Variants in HIVEP3 observed in about 807,000 individuals in gnomAD.
The protein encoded by HIVEP3 is transcription factor HIVEP3.
Under a neutral mutation model 152.8 loss-of-function variants are expected in HIVEP3, and 49 were observed. The observed-to-expected ratio is 0.32, with a 90% confidence interval of 0.26 to 0.41. The LOEUF is 0.41. HIVEP3 is among the 10% of genes least tolerant of loss of function. HIVEP3 has a pLI of 1.00. For synonymous variants in HIVEP3, 1,269 were observed against 1,289.0 expected (o/e 0.98, Z 0.33); for missense variants, 2,790 against 3,103.3 (o/e 0.90, Z 2.40).
chr1:41,755,667 T>G (rs1388970124), intron 1 of HIVEP3, among the ~76,000 whole-genome samples: 1 of 149,184 alleles, frequency 6.7e-6, no homozygotes. Context: ...GCTAAAGACA[T>G]GAATGAACAC....
chr1:41,832,685 G>C (rs937218233), intron 1 of HIVEP3, among the ~76,000 whole-genome samples: 12 of 152,328 alleles, frequency 7.9e-5, no homozygotes, highest in African/African-American at 2.6e-4. Flanking sequence ...GCACATAGTA[G>C]ATATTTAGTA....
intron 5 of HIVEP3, among the ~76,000 whole-genome samples, chr1:41,545,563 T>TCACCACCACCACCACCATCAC (rs1643757924): frequency 1.9e-5 from 1 of 52,746 alleles, no homozygotes. Context: ...ATCACTACCA[T>TCACCACCACCACCACCATCAC]CACCACCACC....
chr1:41,557,505 A>G (rs1030683067), intron 5 of HIVEP3, among the ~76,000 whole-genome samples: 4 of 152,182 alleles, frequency 2.6e-5, no homozygotes, highest in Admixed American at 1.3e-4. Flanking sequence ...GGGCACCTGC[A>G]CAGAGGGATA....
At chr1:41,828,527 G>A (rs1242440550) in intron 1 of HIVEP3, among the ~76,000 whole-genome samples, 2 of 152,198 alleles carry the variant, frequency 1.3e-5, no homozygotes, top group Admixed American at 6.5e-5. Flanking sequence ...AAGAGGTTCT[G>A]AAGGCATTTC....
rs140241302 is a variant in HIVEP3 at position 41,936,376 on chromosome 1, C to G, written n.120-17852G>C. Among the ~76,000 whole-genome samples, 522 of 152,258 alleles carry G rather than the reference C, an allele frequency of 3.4e-3. 2 individuals are homozygous for G. The highest frequency in any genetic ancestry group is 0.012 in the African/African-American group (505 of 41,528). On this transcript the variant is annotated intron_variant and non_coding_transcript_variant, in intron 1 of 3. Coordinates refer to the HIVEP3 transcript ENST00000489103. ...ACCCCTCAAGCCCGGCCTGGCTTCC[C>G]TGAGAGGTGGAGATGGAGGGATCAT...
At chr1:41,692,814 A>G (rs1382377169) in intron 2 of HIVEP3, among the ~76,000 whole-genome samples, 1 of 152,218 alleles carries the variant, frequency 6.6e-6, no homozygotes, top group African/African-American at 2.4e-5. Flanking sequence ...TGGCTGCATC[A>G]CTGTGCACGT....
intron 1 of HIVEP3, among the ~76,000 whole-genome samples, chr1:41,908,408 C>T (rs1042039504): frequency 6.6e-6 from 1 of 152,120 alleles, no homozygotes; most frequent in Admixed American, 6.5e-5. Context: ...GCACCCCTAC[C>T]CAACCCACTA....
chr1:41,526,571 A>C (rs1642930619), intron 5 of HIVEP3, among the ~76,000 whole-genome samples: 1 of 70,660 alleles, frequency 1.4e-5, no homozygotes, highest in Non-Finnish European at 2.8e-5. Context: ...ACACACCCTC[A>C]CACATACACC....
At chr1:41,736,222 C>T (rs988570594) in intron 1 of HIVEP3, among the ~76,000 whole-genome samples, 1 of 152,204 alleles carries the variant, frequency 6.6e-6, no homozygotes, top group Non-Finnish European at 1.5e-5. Context: ...TTCATGCCTC[C>T]ATGGCATTCG....
intron 1 of HIVEP3, among the ~76,000 whole-genome samples, chr1:41,716,643 C>G (rs1646598613): frequency 6.6e-6 from 1 of 152,164 alleles, no homozygotes; most frequent in South Asian, 2.1e-4. Context: ...GGGGATGGGA[C>G]AGGTCATGGT....
intron 1 of HIVEP3, among the ~76,000 whole-genome samples, chr1:41,733,004 G>A (rs1450839079): frequency 6.6e-6 from 1 of 152,148 alleles, no homozygotes; most frequent in Non-Finnish European, 1.5e-5. Context: ...CATGTGCATG[G>A]AATAAATAAA....
intron 5 of HIVEP3, among the ~76,000 whole-genome samples, chr1:41,558,358 G>A (rs79100508): frequency 0.015 from 2,227 of 152,288 alleles, 65 homozygotes; most frequent in African/African-American, 0.047. Context: ...TTAGACTAGC[G>A]TAAGCTACAA....
chr1:41,958,391 T>G (rs1472637065), intron 1 of HIVEP3, among the ~76,000 whole-genome samples: 1 of 152,196 alleles, frequency 6.6e-6, no homozygotes, highest in Non-Finnish European at 1.5e-5. Flanking sequence ...TGGTGAAAAC[T>G]GAACATCTGA....
intron 1 of HIVEP3, among the ~76,000 whole-genome samples, chr1:41,845,092 T>C (rs183163429): frequency 6.6e-6 from 1 of 152,318 alleles, no homozygotes; most frequent in East Asian, 1.9e-4. Context: ...ATAGGCCCCA[T>C]TCTCTATGTA....
chr1:41,909,541 A>C (rs1478385136), intron 1 of HIVEP3, among the ~76,000 whole-genome samples: 2 of 152,126 alleles, frequency 1.3e-5, no homozygotes, highest in African/African-American at 4.8e-5. Flanking sequence ...GGGAGATTAT[A>C]ATACTTCTCT....
At chr1:41,883,202 C>G (rs1644290603) in intron 1 of HIVEP3, among the ~76,000 whole-genome samples, 1 of 152,010 alleles carries the variant, frequency 6.6e-6, no homozygotes. Context: ...CTCACAGACA[C>G]TGACTGGCTG....
chr1:41,838,240 A>G (rs185272892), intron 1 of HIVEP3, among the ~76,000 whole-genome samples: 95 of 152,282 alleles, frequency 6.2e-4, no homozygotes, highest in African/African-American at 2.3e-3. Flanking sequence ...ACTATATTAT[A>G]TCACAATATC....
At chr1:41,800,511 A>G (rs1457315112) in intron 1 of HIVEP3, among the ~76,000 whole-genome samples, 1 of 152,248 alleles carries the variant, frequency 6.6e-6, no homozygotes, top group Non-Finnish European at 1.5e-5. Flanking sequence ...GCTCAGCCCC[A>G]CCACCAGCTG....
chr1:42,029,915 G>A (rs906976915), intron 1 of HIVEP3, among the ~76,000 whole-genome samples: 12 of 152,234 alleles, frequency 7.9e-5, no homozygotes, highest in Non-Finnish European at 1.5e-4. Flanking sequence ...AGAAAGCCCT[G>A]TTTCCAAAGT....
Sources: allele counts gnomAD v4.1 joint callset (sites outside exome capture counted in the v4.1 genomes callset), GRCh38; gene constraint gnomAD v4.1.1; transcripts MANE v1.5; gene names NCBI Gene and HGNC (gene_info 2026-07-23, HGNC 2026-07-21).